CLRN1: variants seen among roughly 807,000 people sequenced by gnomAD.
CLRN1 encodes clarin 1.
Under a neutral mutation model 18.7 loss-of-function variants are expected in CLRN1, and 15 were observed. The ratio of observed to expected loss-of-function variants is 0.80; its 90% CI spans 0.54 to 1.23. The LOEUF is 1.23. Ranked by LOEUF, CLRN1 falls within the 50% of genes most tolerant of loss-of-function variation. The probability of loss-of-function intolerance (pLI) is 0.00; values close to 1 mark genes in which losing one functional copy is unlikely to be tolerated. For missense variants in CLRN1, 311 were observed against 277.5 expected (o/e 1.12, Z -0.86); for synonymous variants, 104 against 102.9 (o/e 1.01, Z -0.07).
In CLRN1 at chr3:150,944,720, A is replaced by G. The variant is rs112278101; in HGVS notation, c.254-2959T>C. 2.6e-3 allele frequency among the ~76,000 whole-genome samples: 398 copies of G among 151,592 alleles called. 3 individuals are homozygous for G. The highest frequency in any genetic ancestry group is 8.8e-3 in the African/African-American group (362 of 41,276). On this transcript the variant is annotated intron_variant, in intron 1 of 2. Coordinates refer to ENST00000327047, the MANE Select transcript of CLRN1 (RefSeq NM_174878.3). ...CAGTGAGCCAAGGTCCCACCACTGC[A>G]CTCCAGCCTGGGCAACAGAGTGAGA... is the stretch of plus-strand genomic sequence containing the variant.
In CLRN1 at chr3:150,941,546, G is replaced by A. The variant is rs1344327571; in HGVS notation, c.433+36C>T. Reference sequence around the variant, plus strand: ...GACGGTCTTTTTGACATATTGAAAAGCACATTTGTCTTCAGAGGTAGAATT... The same window carrying A: ...GACGGTCTTTTTGACATATTGAAAAACACATTTGTCTTCAGAGGTAGAATT... On this transcript the variant is annotated intron_variant, in intron 2 of 2. Coordinates refer to ENST00000327047, the MANE Select transcript of CLRN1 (RefSeq NM_174878.3). 8.1e-6 allele frequency: 13 copies of A among 1,603,600 alleles called. No homozygotes were observed. The African/African-American group carries it at 1.3e-4, about 17-fold the overall frequency.
At chr3:150,943,366 A>G (rs1713967989) in intron 1 of CLRN1, among the ~76,000 whole-genome samples, 1 of 152,252 alleles carries the variant, frequency 6.6e-6, no homozygotes, top group African/African-American at 2.4e-5. Flanking sequence ...CCCACCACCT[A>G]TCCTCTGCCT....
chr3:150,941,194 T>A (rs1006784693), intron 2 of CLRN1, among the ~76,000 whole-genome samples: 3 of 148,254 alleles, frequency 2.0e-5, no homozygotes, highest in African/African-American at 7.4e-5. Context: ...TATATATATA[T>A]AGCCCCCATA....
At chr3:150,945,557 G>A in intron 1 of CLRN1, 2 of 1,286,980 alleles carry the variant, frequency 1.6e-6, no homozygotes, top group Non-Finnish European at 2.0e-6. Flanking sequence ...TATCCAATAG[G>A]GAGCATCCTC....
At chr3:150,941,169 T>TATCTATCTATCC (rs1380974677) in intron 2 of CLRN1, among the ~76,000 whole-genome samples, 1 of 117,096 alleles carries the variant, frequency 8.5e-6, no homozygotes, top group Non-Finnish European at 1.9e-5. Context: ...TCTATCTATC[T>TATCTATCTATCC]ATCTCTTTCA....
chr3:150,967,607 CCA>C (rs953917380), intron 1 of CLRN1, among the ~76,000 whole-genome samples: 2 of 152,182 alleles, frequency 1.3e-5, no homozygotes, highest in African/African-American at 4.8e-5. Context: ...ATACCTGCTT[CCA>C]CACAGACCAT....
At chr3:150,957,934 T>G (rs901572003) in intron 1 of CLRN1, among the ~76,000 whole-genome samples, 1 of 152,178 alleles carries the variant, frequency 6.6e-6, no homozygotes, top group African/African-American at 2.4e-5. Context: ...GTGCTGGGAT[T>G]ACAGGTATGA....
intron 1 of CLRN1, among the ~76,000 whole-genome samples, chr3:150,963,366 T>A (rs533877965): frequency 7.9e-5 from 12 of 152,194 alleles, no homozygotes; most frequent in African/African-American, 2.4e-4. Context: ...AGGGATGTGA[T>A]GGACCTCTTC....
At position 150,926,901 on chromosome 3, in the gene CLRN1, G is replaced by A; in HGVS notation, c.*1035C>T. On this transcript the variant is annotated 3_prime_UTR_variant, in exon 3 of 3. Transcript: ENST00000327047. ...CAGATCAATTTGATGGGTAATTCAG[G>A]GGAAAAAAAAAGTTGACCTGGGTCA... The A allele has an allele frequency of 1.9e-6, 3 of 1,613,744 alleles. No individual in the cohort carries two copies. Among genetic ancestry groups the A allele is most frequent in the Non-Finnish European group, 2.5e-6 (3 of 1,179,950 alleles).
intron 1 of CLRN1, among the ~76,000 whole-genome samples, chr3:150,965,867 T>C (rs1715236969): frequency 6.6e-6 from 1 of 152,252 alleles, no homozygotes; most frequent in African/African-American, 2.4e-5. Context: ...CTTTTTTATG[T>C]GAATATGGGA....
In CLRN1 at chr3:150,970,520, A is replaced by AG. The variant is rs1715481378; in HGVS notation, c.253+1935_253+1936insC. Among the ~76,000 whole-genome samples the AG allele has an allele frequency of 2.0e-5, 3 of 151,376 alleles. No homozygotes were observed. The South Asian group carries it at 6.3e-4, about 32-fold the overall frequency. On this transcript the variant is annotated intron_variant, in intron 1 of 2. Transcript: ENST00000327047. Reference sequence around the variant, plus strand: ...AAAAAGATACTTTTATGCTTAGGAAAAAAAAAAAAGCTCTACTGTAAGTAT... The same window carrying AG: ...AAAAAGATACTTTTATGCTTAGGAAAGAAAAAAAAAGCTCTACTGTAAGTAT...
chr3:150,935,961 T>C lies in CLRN1; in HGVS notation c.433+5621A>G, dbSNP rs537795752. Among the ~76,000 whole-genome samples, 4 of 151,956 alleles carry C rather than the reference T, an allele frequency of 2.6e-5. No individual in the cohort carries two copies. In the South Asian group the frequency reaches 8.4e-4, roughly 32 times the overall value. On this transcript the variant is annotated intron_variant, in intron 2 of 2. Coordinates refer to ENST00000327047, the MANE Select transcript of CLRN1 (RefSeq NM_174878.3). ...ATGTCTTCTTTTGAGAAGTGTCTGT[T>C]CATGTCCTTCACCCACTTTTTGATG...
rs1419966122 is a variant in CLRN1 at position 150,964,036 on chromosome 3, T to C, written c.253+8420A>G. On this transcript the variant is annotated intron_variant, in intron 1 of 2. Transcript: ENST00000327047. ...CTTCATGACTAAACACCAAAAGCAATGGCAACAAAAGCCAAAATTGACAAA... is the reference window on the plus strand; with the variant it reads ...CTTCATGACTAAACACCAAAAGCAACGGCAACAAAAGCCAAAATTGACAAA... 3.9e-5 allele frequency among the ~76,000 whole-genome samples: 6 copies of C among 152,068 alleles called. No homozygotes were observed. In the East Asian group the frequency reaches 9.6e-4, roughly 24 times the overall value.
intron 1 of CLRN1, among the ~76,000 whole-genome samples, chr3:150,962,130 C>T (rs1292749934): frequency 6.6e-6 from 1 of 152,082 alleles, no homozygotes; most frequent in Non-Finnish European, 1.5e-5. Flanking sequence ...ATAACAGGAC[C>T]CATTTAACTG....
At chr3:150,966,476 A>C (rs1225570539) in intron 1 of CLRN1, among the ~76,000 whole-genome samples, 1 of 152,206 alleles carries the variant, frequency 6.6e-6, no homozygotes, top group African/African-American at 2.4e-5. Context: ...AATTGGAGGA[A>C]GCAGGATGTC....
Position 150,926,983 on chromosome 3 carries a change from A to G in CLRN1, c.*953T>C. ...GATACAGTGATACCGTCATAATCCC[A>G]GATTTAATATAATTTTCATAATTGC... On this transcript the variant is annotated 3_prime_UTR_variant, in exon 3 of 3. Transcript: ENST00000327047. 6.4e-7 allele frequency: 1 copy of G among 1,568,690 alleles called. No individual in the cohort carries two copies. Among genetic ancestry groups the G allele is most frequent in the Non-Finnish European group, 8.7e-7 (1 of 1,149,234 alleles).
intron 2 of CLRN1, among the ~76,000 whole-genome samples, chr3:150,930,953 G>A (rs1052554071): frequency 3.1e-4 from 47 of 152,178 alleles, no homozygotes; most frequent in African/African-American, 1.0e-3. Flanking sequence ...CCAAAACAAA[G>A]TGTGCTGTCT....
chr3:150,972,336 G>A, intron 1 of CLRN1, 120 bp downstream of exon 1: 3 of 1,303,064 alleles, frequency 2.3e-6, no homozygotes, highest in Non-Finnish European at 3.3e-6. Flanking sequence ...TTTTCATATG[G>A]TTCACACCGA....
chr3:150,964,614 A>G lies in CLRN1; in HGVS notation c.253+7842T>C, dbSNP rs188556992. 1.3e-3 allele frequency among the ~76,000 whole-genome samples: 205 copies of G among 152,364 alleles called. 1 individual carries two copies. Among genetic ancestry groups the G allele is most frequent in the African/African-American group, 4.7e-3 (195 of 41,584 alleles). ...TAAAGACATATGCCCACATATGTTT[A>G]TTGCAGCACTGTTCACAATAGCAAG... On this transcript the variant is annotated intron_variant, in intron 1 of 2. Transcript: ENST00000327047.
Sources: gnomAD v4.1 joint callset for allele counts (sites outside exome capture counted in the v4.1 genomes callset) on GRCh38, gnomAD v4.1.1 for gene constraint, MANE v1.5 for transcripts, NCBI Gene and HGNC (gene_info 2026-07-23, HGNC 2026-07-21) for gene names.